Variants in RYR3 observed in about 807,000 individuals in gnomAD.
RYR3 encodes ryanodine receptor 3, also known as brain ryanodine receptor-calcium release channel.
Under a neutral mutation model 584.3 loss-of-function variants are expected in RYR3, and 207 were observed. The observed-to-expected ratio is 0.35, with a 90% CI of 0.32 to 0.40. The LOEUF is 0.40. Among genes scored for constraint, RYR3 ranks in the 10% least tolerant of loss-of-function variants. The pLI is 1.00. For missense variants in RYR3, 5,616 were observed against 6,089.2 expected (o/e 0.92, Z 2.59); for synonymous variants, 2,416 against 2,248.5 (o/e 1.07, Z -2.11).
chr15:33,786,129 T>A, intron 66 of RYR3, 147 bp downstream of exon 66: 2 of 645,588 alleles, frequency 3.1e-6, no homozygotes, highest in Non-Finnish European at 4.9e-6. Flanking sequence ...TGCTTAACAG[T>A]AAAAAGAATT....
chr15:33,595,156 G>C (rs1274143020), intron 16 of RYR3, among the ~76,000 whole-genome samples: 1 of 152,066 alleles, frequency 6.6e-6, no homozygotes, highest in Non-Finnish European at 1.5e-5. Flanking sequence ...CTACAAAATA[G>C]GATTACAGGT....
chr15:33,675,514 T>C (rs532015303), intron 38 of RYR3, among the ~76,000 whole-genome samples: 1 of 152,222 alleles, frequency 6.6e-6, no homozygotes, highest in Non-Finnish European at 1.5e-5. Context: ...GAGATAGTTA[T>C]GAGCACAGGG....
chr15:33,574,431 T>C (rs680851), intron 12 of RYR3, among the ~76,000 whole-genome samples: 95,447 of 152,066 alleles, frequency 0.63, 31,620 homozygotes, highest in Middle Eastern at 0.75. Flanking sequence ...CATGTACTCA[T>C]GGCATTCTCT....
chr15:33,548,260 C>A, intron 9 of RYR3, 56 bp downstream of exon 9: 2 of 1,070,684 alleles, frequency 1.9e-6, no homozygotes, highest in Non-Finnish European at 2.8e-6. Context: ...TCAGTACAGG[C>A]CGTTCTCTTA....
chr15:33,445,709 A>ACG (rs1567252677), intron 1 of RYR3, among the ~76,000 whole-genome samples: 3 of 148,900 alleles, frequency 2.0e-5, no homozygotes, highest in African/African-American at 7.4e-5. Context: ...ACACACACAC[A>ACG]CACACGAAAG....
chr15:33,413,750 C>T (rs368110871), intron 1 of RYR3, among the ~76,000 whole-genome samples: 1 of 152,166 alleles, frequency 6.6e-6, no homozygotes, highest in Non-Finnish European at 1.5e-5. Flanking sequence ...TGTTTCTGGG[C>T]CCCTGAGTCA....
intron 2 of RYR3, among the ~76,000 whole-genome samples, chr15:33,489,548 T>C (rs2050791427): frequency 6.6e-6 from 1 of 152,248 alleles, no homozygotes; most frequent in Non-Finnish European, 1.5e-5. Flanking sequence ...TCGCTCTTTT[T>C]TATGGCTGCA....
chr15:33,521,667 G>A (rs2053994474), intron 3 of RYR3, among the ~76,000 whole-genome samples: 1 of 152,192 alleles, frequency 6.6e-6, no homozygotes. Context: ...GAGACAGGAA[G>A]AAGGCAGTAC....
intron 1 of RYR3, chr15:33,467,500 A>C: frequency 7.1e-6 from 7 of 984,254 alleles, no homozygotes; most frequent in Non-Finnish European, 8.4e-6. Flanking sequence ...TATAAGAAAG[A>C]AAGCTGTAAG....
intron 2 of RYR3, among the ~76,000 whole-genome samples, chr15:33,498,682 A>G (rs1037418160): frequency 4.6e-5 from 7 of 152,024 alleles, no homozygotes; most frequent in Admixed American, 2.6e-4. Context: ...AGCTTTTTTG[A>G]TATAATCCTA....
At chr15:33,698,519 C>A (rs2152768502) in intron 40 of RYR3, among the ~76,000 whole-genome samples, 1 of 152,286 alleles carries the variant, frequency 6.6e-6, no homozygotes, top group South Asian at 2.1e-4. Flanking sequence ...GGATAGGACA[C>A]AACTGGACAT....
intron 94 of RYR3, chr15:33,850,355 C>G (rs2079014240): frequency 2.0e-5 from 3 of 151,428 alleles, no homozygotes; most frequent in Admixed American, 2.0e-4. Context: ...GCGCTCCAGC[C>G]TGGGCGACAG....
intron 1 of RYR3, among the ~76,000 whole-genome samples, chr15:33,337,934 A>ATTTTTT (rs199625940): frequency 0.012 from 1,314 of 113,322 alleles, 121 homozygotes; most frequent in South Asian, 0.026. Flanking sequence ...ATTTTAGGAG[A>ATTTTTT]TTTTTTTTTT....
At chr15:33,801,322 G>A (rs895097549) in intron 68 of RYR3, among the ~76,000 whole-genome samples, 2 of 152,090 alleles carry the variant, frequency 1.3e-5, no homozygotes, top group Non-Finnish European at 2.9e-5. Flanking sequence ...AGTCTCATAT[G>A]TGGCCACCCA....
At chr15:33,476,115 C>T (rs556345695) in intron 2 of RYR3, among the ~76,000 whole-genome samples, 1 of 152,280 alleles carries the variant, frequency 6.6e-6, no homozygotes, top group Admixed American at 6.5e-5. Context: ...CCTGAACTTA[C>T]AAAATCTTGA....
chr15:33,466,790 T>A (rs553226102), intron 1 of RYR3, among the ~76,000 whole-genome samples: 1 of 152,348 alleles, frequency 6.6e-6, no homozygotes, highest in East Asian at 1.9e-4. Flanking sequence ...TTTCAGAACA[T>A]ACGATTCTTT....
In RYR3 at chr15:33,728,876, A is replaced by C. The variant is rs2068691329; in HGVS notation, c.7053A>C (p.Pro2351=). The C allele has an allele frequency of 3.7e-6, 6 of 1,612,536 alleles. No individual in the cohort carries two copies. The highest frequency in any genetic ancestry group is 5.1e-6 in the Non-Finnish European group (6 of 1,179,516). ...TTTCAGATGGGTCGGTCAGTGAGCC[A>C]GATATGGCGGCCAATTTCTGCCCTG... The part of the protein sequence containing the change: ...SLNKDGSVSE[P]DMAANFCPDH... The change falls in exon 47 of 104, where the codon CCA becomes CCC. Residue 2351 remains proline (P), a synonymous_variant. Transcript: ENST00000634891.
At chr15:33,409,432 T>C (rs2043249770) in intron 1 of RYR3, among the ~76,000 whole-genome samples, 1 of 151,992 alleles carries the variant, frequency 6.6e-6, no homozygotes. Flanking sequence ...TACTCTCTGA[T>C]ACTCTGTCCC....
At chr15:33,567,473 G>T (rs1051840709) in intron 12 of RYR3, among the ~76,000 whole-genome samples, 4 of 152,144 alleles carry the variant, frequency 2.6e-5, no homozygotes, top group African/African-American at 9.7e-5. Flanking sequence ...TGCATGAAAT[G>T]GTAACTTTTT....
Sources: allele counts gnomAD v4.1 joint callset (sites outside exome capture counted in the v4.1 genomes callset), GRCh38; gene constraint gnomAD v4.1.1; transcripts MANE v1.5; gene names NCBI Gene and HGNC (gene_info 2026-07-23, HGNC 2026-07-21).